The following SENP6 variants were observed in gnomAD, a reference collection of about 807,000 sequenced individuals.
The protein encoded by SENP6 is SUMO specific peptidase 6.
A neutral mutation model predicts 134.5 loss-of-function variants in SENP6; 41 were observed. That is an observed-to-expected ratio of 0.30 (90% CI 0.24 to 0.40). SENP6 has a LOEUF of 0.40. Among genes scored for constraint, SENP6 ranks in the 10% least tolerant of loss-of-function variants. The probability of loss-of-function intolerance (pLI) is 1.00; values close to 1 mark genes in which losing one functional copy is unlikely to be tolerated. For missense variants in SENP6, 1,248 were observed against 1,312.5 expected (o/e 0.95, Z 0.76); for synonymous variants, 395 against 429.8 (o/e 0.92, Z 1.00).
chr6:75,700,172 T>C (rs1774934125), intron 18 of SENP6, among the ~76,000 whole-genome samples: 1 of 73,640 alleles, frequency 1.4e-5, no homozygotes, highest in African/African-American at 7.9e-5. Context: ...CAGCCTCCCA[T>C]AGCACCAGGA....
At chr6:75,633,087 T>C (rs987378528) in intron 3 of SENP6, among the ~76,000 whole-genome samples, 3 of 152,218 alleles carry the variant, frequency 2.0e-5, no homozygotes, top group Admixed American at 1.3e-4. Context: ...TCTAAAGTGA[T>C]TGTTACTGAT....
Position 75,623,954 on chromosome 6 carries a change from A to G in SENP6, c.201A>G (p.Gly67=). Reference sequence around the variant, plus strand: ...ATGAGGATTCTGAAACCTCAAAAGGAAAAAAGGCAAGTGTTGCTTAAAATA... The same window carrying G: ...ATGAGGATTCTGAAACCTCAAAAGGGAAAAAGGCAAGTGTTGCTTAAAATA... The part of the protein sequence containing the change: ...DEDEDSETSK[G]KKLNRRSEIV... Residue 67 remains glycine, a synonymous_variant, in exon 3 of 24, where the codon GGA becomes GGG. Transcript: ENST00000447266. The G allele has an allele frequency of 6.2e-7, 1 of 1,606,848 alleles. No homozygotes were observed. Among genetic ancestry groups the G allele is most frequent in the Non-Finnish European group, 8.5e-7 (1 of 1,175,466 alleles).
At chr6:75,672,794 C>T (rs114416732) in intron 11 of SENP6, among the ~76,000 whole-genome samples, 245 of 152,156 alleles carry the variant, frequency 1.6e-3, no homozygotes, top group African/African-American at 5.2e-3. Flanking sequence ...TTAATTTGCT[C>T]AGTGATATAA....
chr6:75,602,679 G>A (rs1245968635), intron 1 of SENP6, 103 bp downstream of exon 1: 3 of 1,199,020 alleles, frequency 2.5e-6, no homozygotes, highest in Non-Finnish European at 3.6e-6. Flanking sequence ...TGGGTTTCGG[G>A]GGCGGTGAAG....
chr6:75,702,835 A>G lies in SENP6; in HGVS notation c.2479A>G (p.Met827Val). 1 of 1,614,188 alleles carries G rather than the reference A, an allele frequency of 6.2e-7. No homozygotes were observed. Among genetic ancestry groups the G allele is most frequent in the South Asian group, 1.1e-5 (1 of 91,076 alleles). Residue 827 changes from methionine (M) to valine (V), a missense_variant, in exon 19 of 24, where the codon ATG becomes GTG. By Grantham distance (21) the Met-to-Val change is conservative. Around this residue, in one of 3 missense-constraint regions of SENP6, gnomAD observed 386 missense variants for 395.0 expected, o/e 0.98. Coordinates refer to ENST00000447266, the MANE Select transcript of SENP6 (RefSeq NM_015571.4). ...TTCTGCCAAGCCTGTAATTAAGAAG[A>G]TGCTAAACAAAAAACATTGCATAGC... ...NSSAKPVIKK[M>V]LNKKHCIAVI...
chr6:75,669,209 AG>A (rs1296412345), intron 10 of SENP6, among the ~76,000 whole-genome samples: 2 of 152,038 alleles, frequency 1.3e-5, no homozygotes, highest in African/African-American at 4.8e-5. Context: ...AAAATTAGCC[AG>A]GCGTGGTGGT....
intron 11 of SENP6, among the ~76,000 whole-genome samples, chr6:75,673,717 G>A (rs1772864902): frequency 6.6e-6 from 1 of 151,860 alleles, no homozygotes; most frequent in Non-Finnish European, 1.5e-5. Context: ...TTTATCTTAT[G>A]CAACAATTTT....
chr6:75,608,292 C>T (rs561277920), intron 1 of SENP6, among the ~76,000 whole-genome samples: 2 of 151,998 alleles, frequency 1.3e-5, no homozygotes, highest in Non-Finnish European at 2.9e-5. Flanking sequence ...GAGGCCCCAT[C>T]TCTGCAAAAA....
intron 1 of SENP6, among the ~76,000 whole-genome samples, chr6:75,616,452 G>A (rs575576434): frequency 3.5e-4 from 54 of 152,180 alleles, no homozygotes; most frequent in African/African-American, 1.3e-3. Flanking sequence ...GAGTTTGTTA[G>A]AATTATGTGT....
At chr6:75,679,698 C>A (rs960341482) in intron 16 of SENP6, 2 of 152,128 alleles carry the variant, frequency 1.3e-5, no homozygotes, top group South Asian at 4.1e-4. Flanking sequence ...CACCTATGTG[C>A]AATGTGTTTA....
chr6:75,633,234 G>T (rs1002588873), intron 3 of SENP6, among the ~76,000 whole-genome samples: 1 of 152,170 alleles, frequency 6.6e-6, no homozygotes, highest in Non-Finnish European at 1.5e-5. Context: ...TTTGGCTGTA[G>T]TGTTCTCCAG....
At position 75,602,569 on chromosome 6, in the gene SENP6, T is replaced by G; in HGVS notation, c.45T>G (p.Phe15Leu). 1 of 1,551,410 alleles carries G rather than the reference T, an allele frequency of 6.4e-7. No homozygotes were observed. Among genetic ancestry groups the G allele is most frequent in the Non-Finnish European group, 8.7e-7 (1 of 1,146,844 alleles). ...GCGGTAGCGCAGGGGAGATTACTTT[T>G]CTGGAAGGTACGTCTGTTTCTGCCC... ...KSGGSAGEIT[F>L]LEALARSESK... The change falls in exon 1 of 24, where the codon TTT (phenylalanine) becomes TTG (leucine). Residue 15 changes from phenylalanine (F) to leucine (L), a missense_variant. Around this residue, in one of 3 missense-constraint regions of SENP6, gnomAD observed 733 missense variants for 725.4 expected, o/e 1.01. Transcript: ENST00000447266.
intron 10 of SENP6, among the ~76,000 whole-genome samples, chr6:75,670,333 C>T (rs1582819810): frequency 6.6e-6 from 1 of 152,160 alleles, no homozygotes; most frequent in South Asian, 2.1e-4. Context: ...CATACTATTA[C>T]TCAAATTTAA....
At chr6:75,670,920 ATTGT>A (rs1022947917) in intron 11 of SENP6, among the ~76,000 whole-genome samples, 200 bp downstream of exon 11, 3 of 149,492 alleles carry the variant, frequency 2.0e-5, no homozygotes, top group Non-Finnish European at 3.0e-5. Context: ...CCAATATGTT[ATTGT>A]TTATTATCAT....
chr6:75,676,983 T>C, intron 13 of SENP6, 47 bp from the exon 14 acceptor site: 1 of 875,546 alleles, frequency 1.1e-6, no homozygotes, highest in African/African-American at 2.2e-5. Flanking sequence ...AAGTATCTAT[T>C]TACTTCTTTT....
chr6:75,705,464 G>A (rs1169491115), intron 19 of SENP6, among the ~76,000 whole-genome samples: 5 of 152,134 alleles, frequency 3.3e-5, no homozygotes, highest in African/African-American at 7.2e-5. Flanking sequence ...AGAATCACTT[G>A]AACCTGGGGG....
chr6:75,604,571 G>A (rs1766883877), intron 1 of SENP6, among the ~76,000 whole-genome samples: 1 of 151,564 alleles, frequency 6.6e-6, no homozygotes, highest in Non-Finnish European at 1.5e-5. Flanking sequence ...GGCAGAGGTT[G>A]CAGTGATAGC....
chr6:75,624,486 A>G (rs779102632), intron 3 of SENP6, among the ~76,000 whole-genome samples: 1 of 152,162 alleles, frequency 6.6e-6, no homozygotes, highest in African/African-American at 2.4e-5. Context: ...TAATTTTGGC[A>G]TACCAGATTT....
At chr6:75,679,039 T>TAA in intron 16 of SENP6, 112 bp downstream of exon 16, 1 of 615,110 alleles carries the variant, frequency 1.6e-6, no homozygotes, top group Non-Finnish European at 2.9e-6. Context: ...CTCTGCCACT[T>TAA]ACTGTGTGAC....
Sources: allele counts gnomAD v4.1 joint callset (sites outside exome capture counted in the v4.1 genomes callset), GRCh38; gene constraint gnomAD v4.1.1; regional missense constraint gnomAD v4.1.1; transcripts MANE v1.5; gene names NCBI Gene and HGNC (gene_info 2026-07-23, HGNC 2026-07-21).